CAP2: variants seen among roughly 807,000 people sequenced by gnomAD.
CAP2 encodes cyclase associated actin cytoskeleton regulatory protein 2.
A neutral mutation model predicts 57.7 loss-of-function variants in CAP2; 24 were observed. The observed-to-expected ratio is 0.42, with a 90% CI of 0.30 to 0.58. The LOEUF (loss-of-function observed/expected upper bound fraction) is 0.58, where lower values mean the gene tolerates loss of function less well. CAP2 is among the 20% of genes least tolerant of loss of function. The pLI is 0.22. For synonymous variants in CAP2, 194 were observed against 207.2 expected (o/e 0.94, Z 0.55); for missense variants, 501 against 590.3 (o/e 0.85, Z 1.57).
In CAP2 at chr6:17,426,590, G is replaced by A; in HGVS notation, c.122G>A (p.Gly41Asp). 3 of 1,612,028 alleles carry A rather than the reference G, an allele frequency of 1.9e-6. No homozygotes were observed. Among genetic ancestry groups the A allele is most frequent in the Non-Finnish European group, 2.5e-6 (3 of 1,178,214 alleles). The change falls in exon 3 of 13, where the codon GGT becomes GAT. Residue 41 changes from glycine (G) to aspartate (D), a missense_variant and splice_region_variant. Physicochemically the swap from Gly to Asp is moderately conservative, Grantham distance 94 (BLOSUM62 -1). Transcript: ENST00000229922. The part of the protein sequence containing the change: ...NCGEVNGVIA[G>D]VAPSVEAFDK... The stretch of plus-strand genomic sequence containing the variant: ...ATAACAAACTGCTCCTTTCCCCAAG[G>A]TGTGGCACCCTCCGTGGAAGCCTTT...
At chr6:17,447,434 G>C (rs929477046) in intron 3 of CAP2, among the ~76,000 whole-genome samples, 38 of 152,294 alleles carry the variant, frequency 2.5e-4, no homozygotes, top group African/African-American at 8.7e-4. Context: ...TAGTATTTGT[G>C]GAGGGTCTGC....
At chr6:17,466,895 A>G (rs1354450157) in intron 4 of CAP2, among the ~76,000 whole-genome samples, 1 of 152,108 alleles carries the variant, frequency 6.6e-6, no homozygotes, top group Non-Finnish European at 1.5e-5. Flanking sequence ...CGCACTATAT[A>G]GCTATCTGTT....
intron 4 of CAP2, among the ~76,000 whole-genome samples, chr6:17,474,185 CTTTTTTTTTTTTTT>C (rs544909381): frequency 4.3e-5 from 4 of 93,208 alleles, no homozygotes; most frequent in Non-Finnish European, 6.1e-5. Context: ...AAAAAACAGT[CTTTTTTTTTTTTTT>C]TTTTTTTTTT....
chr6:17,498,887 C>A (rs1469914774), intron 4 of CAP2, among the ~76,000 whole-genome samples: 6 of 151,864 alleles, frequency 4.0e-5, no homozygotes, highest in Non-Finnish European at 8.8e-5. Flanking sequence ...CGCCACCACG[C>A]CCAGATAATT....
chr6:17,428,653 T>C lies in CAP2; in HGVS notation c.222+1963T>C, dbSNP rs559098734. Among the ~76,000 whole-genome samples, 133 of 149,992 alleles carry C rather than the reference T, an allele frequency of 8.9e-4. 1 individual carries two copies. The highest frequency in any genetic ancestry group is 3.0e-3 in the African/African-American group (122 of 40,766). The stretch of plus-strand genomic sequence containing the variant: ...ATGGGGGGAGGGGGGAGGGATAGCA[T>C]TGGGAGATATACCTAATGCTAGATG... On this transcript the variant is annotated intron_variant, in intron 3 of 12. Transcript: ENST00000229922.
intron 7 of CAP2, among the ~76,000 whole-genome samples, chr6:17,538,895 C>T (rs991348744): frequency 7.2e-5 from 11 of 152,216 alleles, no homozygotes; most frequent in African/African-American, 2.7e-4. Flanking sequence ...AAGAGCTAAT[C>T]GTTTTATCAA....
intron 1 of CAP2, among the ~76,000 whole-genome samples, chr6:17,401,005 T>G (rs996545837): frequency 2.6e-5 from 4 of 152,082 alleles, no homozygotes; most frequent in African/African-American, 9.7e-5. Flanking sequence ...GGCTTCCAAG[T>G]GTTGCATGTA....
intron 12 of CAP2, among the ~76,000 whole-genome samples, chr6:17,552,609 G>T (rs546605027): frequency 1.3e-5 from 2 of 152,186 alleles, no homozygotes; most frequent in Non-Finnish European, 2.9e-5. Context: ...TCCAGCCGGG[G>T]CGACAGAGTG....
intron 11 of CAP2, among the ~76,000 whole-genome samples, chr6:17,543,896 G>A (rs866576914): frequency 2.6e-5 from 4 of 151,984 alleles, no homozygotes; most frequent in African/African-American, 4.8e-5. Flanking sequence ...AGGCCAAGGC[G>A]GGTGGATCAC....
At chr6:17,497,321 G>A (rs1232352311) in intron 4 of CAP2, among the ~76,000 whole-genome samples, 1 of 152,128 alleles carries the variant, frequency 6.6e-6, no homozygotes, top group Non-Finnish European at 1.5e-5. Context: ...GAAATTATAG[G>A]TGATTATAAA....
At chr6:17,503,755 C>T (rs1761898872) in intron 4 of CAP2, among the ~76,000 whole-genome samples, 1 of 152,042 alleles carries the variant, frequency 6.6e-6, no homozygotes, top group Non-Finnish European at 1.5e-5. Context: ...AAATATGGTA[C>T]TGGGGGTTAA....
chr6:17,521,306 C>A (rs2113675503), intron 7 of CAP2, among the ~76,000 whole-genome samples: 1 of 152,144 alleles, frequency 6.6e-6, no homozygotes, highest in Non-Finnish European at 1.5e-5. Flanking sequence ...GTAGTCCCAG[C>A]TACCGGGAGG....
chr6:17,551,420 T>A (rs1235756688), intron 11 of CAP2, 44 bp from the exon 12 acceptor site: 1 of 1,501,494 alleles, frequency 6.7e-7, no homozygotes, highest in African/African-American at 1.4e-5. Context: ...GCATTGTTAT[T>A]TCTGTTTCTT....
chr6:17,539,304 C>T lies in CAP2; in HGVS notation c.672C>T (p.Val224=). 2 of 1,613,916 alleles carry T rather than the reference C, an allele frequency of 1.2e-6. No individual in the cohort carries two copies. The highest frequency in any genetic ancestry group is 1.7e-6 in the Non-Finnish European group (2 of 1,179,894). Residue 224 remains valine, a synonymous_variant, in exon 8 of 13, where the codon GTC becomes GTT. Coordinates refer to ENST00000229922, the MANE Select transcript of CAP2 (RefSeq NM_006366.3). ...PVASTVSAFS[V]LSSGPGLPPP... is the part of the protein sequence containing the mutation. ...CATCCACAGTATCAGCGTTTTCTGT[C>T]CTCTCCTCTGGGCCTGGCCTTCCTC...
At chr6:17,531,051 A>G (rs1762626580) in intron 7 of CAP2, 11 of 806,286 alleles carry the variant, frequency 1.4e-5, no homozygotes, top group Middle Eastern at 3.4e-4. Context: ...GTGTTTTCCA[A>G]TGGTATAGAT....
chr6:17,407,502 C>T (rs572374722), intron 1 of CAP2, among the ~76,000 whole-genome samples: 5 of 150,342 alleles, frequency 3.3e-5, no homozygotes, highest in Non-Finnish European at 7.4e-5. Context: ...AATGGCCAGG[C>T]GCATTGCCTC....
intron 1 of CAP2, among the ~76,000 whole-genome samples, chr6:17,399,245 T>A (rs1398428582): frequency 6.6e-6 from 1 of 152,126 alleles, no homozygotes; most frequent in Non-Finnish European, 1.5e-5. Flanking sequence ...ATACTTTTAG[T>A]AGAGACAGGG....
intron 1 of CAP2, among the ~76,000 whole-genome samples, chr6:17,417,737 G>C (rs770393133): frequency 3.9e-5 from 6 of 152,130 alleles, no homozygotes; most frequent in Non-Finnish European, 2.9e-5. Context: ...GATCTGGGGG[G>C]ACAAGTTTGA....
chr6:17,447,888 G>A (rs1760303092), intron 3 of CAP2, among the ~76,000 whole-genome samples: 1 of 152,256 alleles, frequency 6.6e-6, no homozygotes, highest in South Asian at 2.1e-4. Flanking sequence ...GTAAGGGGTA[G>A]AGTTGAATTC....
Sources: allele counts gnomAD v4.1 joint callset (sites outside exome capture counted in the v4.1 genomes callset), GRCh38; gene constraint gnomAD v4.1.1; transcripts MANE v1.5; gene names NCBI Gene and HGNC (gene_info 2026-07-23, HGNC 2026-07-21).